Variants in FBXO11 observed in about 807,000 individuals in gnomAD.
FBXO11 encodes the protein F-box only protein 11.
Under a neutral mutation model 117.0 loss-of-function variants are expected in FBXO11, and 13 were observed. The observed-to-expected ratio is 0.11, with a 90% CI of 0.07 to 0.18. FBXO11 has a LOEUF of 0.18. Among genes scored for constraint, FBXO11 ranks in the 10% least tolerant of loss-of-function variants. FBXO11 has a pLI of 1.00. For missense variants in FBXO11, 767 were observed against 1,164.4 expected, an observed-to-expected ratio of 0.66 and a Z score of 4.97; for synonymous variants, 490 against 380.5, an observed-to-expected ratio of 1.29 and a Z score of -3.35.
intron 19 of FBXO11, 30 bp from the exon 20 acceptor site, chr2:47,809,737 C>G: frequency 6.9e-7 from 1 of 1,440,246 alleles, no homozygotes; most frequent in Non-Finnish European, 9.8e-7. Flanking sequence ...CAAGTAGATA[C>G]ATCACTTTAT....
At chr2:47,893,768 T>G (rs1677444422) in intron 1 of FBXO11, among the ~76,000 whole-genome samples, 1 of 152,144 alleles carries the variant, frequency 6.6e-6, no homozygotes, top group Admixed American at 6.5e-5. Context: ...AAAGATAAGA[T>G]TAAGAAACCA....
At chr2:47,857,985 A>C (rs1481607866) in intron 1 of FBXO11, among the ~76,000 whole-genome samples, 1 of 152,220 alleles carries the variant, frequency 6.6e-6, no homozygotes, top group Non-Finnish European at 1.5e-5. Context: ...TCTTTACCAA[A>C]GTAGATGAAA....
chr2:47,825,194 T>A (rs868160114), intron 11 of FBXO11, among the ~76,000 whole-genome samples: 77 of 152,300 alleles, frequency 5.1e-4, no homozygotes, highest in Middle Eastern at 3.4e-3. Context: ...AAGAATAACA[T>A]ACAAAAGTAG....
At chr2:47,868,418 A>G (rs192314933) in intron 1 of FBXO11, among the ~76,000 whole-genome samples, 6 of 152,120 alleles carry the variant, frequency 3.9e-5, no homozygotes. Flanking sequence ...ATTCACTGTC[A>G]TGAATGCTTG....
At position 47,807,036 on chromosome 2, in the gene FBXO11, A is replaced by AATATATTAAGTCTAGATGT. The variant is rs1670256173; in HGVS notation, c.*1063_*1081dup. 1.1e-5 allele frequency: 7 copies of AATATATTAAGTCTAGATGT among 625,786 alleles called. No homozygotes were observed. The highest frequency in any genetic ancestry group is 2.0e-5 in the Non-Finnish European group (7 of 356,270). 38.8% of individuals were successfully genotyped at this position (625,786 alleles called of 1,614,324 possible). A position where few individuals can be genotyped will look rare whatever the true frequency, so the allele number is the denominator to read the frequency against. ...ACATAATGGTTATTGAATACTCCAC[A>AATATATTAAGTCTAGATGT]ATATATTAAGTCTAGATGTTATGGT... is the stretch of plus-strand genomic sequence containing the variant. On this transcript the variant is annotated 3_prime_UTR_variant, in exon 23 of 23. Coordinates refer to ENST00000403359, the MANE Select transcript of FBXO11 (RefSeq NM_001190274.2).
chr2:47,838,803 C>T, intron 4 of FBXO11, 56 bp downstream of exon 4: 1 of 1,538,026 alleles, frequency 6.5e-7, no homozygotes, highest in South Asian at 1.2e-5. Context: ...CCATGTTTAG[C>T]ATTTTGGGCA....
At chr2:47,902,921 A>G (rs898822379) in intron 1 of FBXO11, among the ~76,000 whole-genome samples, 2 of 144,430 alleles carry the variant, frequency 1.4e-5, no homozygotes, top group Non-Finnish European at 3.0e-5. Context: ...TAAAAGGTTA[A>G]AAAAAAAAAA....
intron 1 of FBXO11, among the ~76,000 whole-genome samples, chr2:47,840,437 T>C (rs1224252020): frequency 1.3e-5 from 2 of 150,024 alleles, no homozygotes; most frequent in Admixed American, 6.7e-5. Flanking sequence ...GAGGGTAGTC[T>C]GGTGTATGAA....
rs3732190 is a variant in FBXO11, at chr2:47,810,454, G to A, written c.2228-28C>T. ...ATAATAAAATATTTCCTTAGATTAA[G>A]GCTAATGCATATAACAGACTACTAA... On this transcript the variant is annotated intron_variant, in intron 18 of 22. Coordinates refer to ENST00000403359, the MANE Select transcript of FBXO11 (RefSeq NM_001190274.2). 3,403 of 1,445,962 alleles carry A rather than the reference G, an allele frequency of 2.4e-3. 131 individuals carry two copies. The East Asian group carries it at 0.071, about 30-fold the overall frequency. 89.6% of individuals were successfully genotyped at this position (1,445,962 alleles called of 1,614,324 possible).
chr2:47,837,139 A>G (rs1672644289), intron 4 of FBXO11: 2 of 180,496 alleles, frequency 1.1e-5, no homozygotes, highest in African/African-American at 4.8e-5. Flanking sequence ...AAACTGGAGT[A>G]ATGGCTAACT....
chr2:47,864,714 G>T (rs1419893329), intron 1 of FBXO11, among the ~76,000 whole-genome samples: 1 of 152,110 alleles, frequency 6.6e-6, no homozygotes, highest in Non-Finnish European at 1.5e-5. Context: ...AGTCCACAGA[G>T]GTCAGGTAAA....
At chr2:47,890,819 A>T (rs1677203813) in intron 1 of FBXO11, among the ~76,000 whole-genome samples, 1 of 152,058 alleles carries the variant, frequency 6.6e-6, no homozygotes, top group South Asian at 2.1e-4. Flanking sequence ...AAGAAAAAAA[A>T]AAATATTATT....
rs1013303203 is a variant in FBXO11 at position 47,863,411 on chromosome 2, T to G, written c.233-23642A>C. Among the ~76,000 whole-genome samples, 1,351 of 152,338 alleles carry G rather than the reference T, an allele frequency of 8.9e-3. 6 individuals are homozygous for G. The highest frequency in any genetic ancestry group is 0.031 in the African/African-American group (1,277 of 41,572). On this transcript the variant is annotated intron_variant, in intron 1 of 22. Coordinates refer to ENST00000403359, the MANE Select transcript of FBXO11 (RefSeq NM_001190274.2). ...CTCTTAAACAGCTCGTTTACATGGC[T>G]CTGAAACAACACAGCTAAAGAAAAC...
At chr2:47,876,086 A>C (rs1415138148) in intron 1 of FBXO11, among the ~76,000 whole-genome samples, 1 of 152,224 alleles carries the variant, frequency 6.6e-6, no homozygotes, top group Non-Finnish European at 1.5e-5. Flanking sequence ...AATGTCACAC[A>C]GTTAGTAAGA....
chr2:47,846,076 C>T (rs1673383087), intron 1 of FBXO11, among the ~76,000 whole-genome samples: 2 of 152,148 alleles, frequency 1.3e-5, no homozygotes, highest in African/African-American at 4.8e-5. Flanking sequence ...ATAAAGCCAA[C>T]GATCCATGAT....
chr2:47,872,830 T>G (rs1264134108), intron 1 of FBXO11, among the ~76,000 whole-genome samples: 2 of 152,322 alleles, frequency 1.3e-5, no homozygotes, highest in East Asian at 3.9e-4. Flanking sequence ...TCTAAATTTT[T>G]GTTTTGGAAA....
intron 1 of FBXO11, among the ~76,000 whole-genome samples, chr2:47,846,466 A>T (rs1673419689): frequency 6.6e-6 from 1 of 151,898 alleles, no homozygotes; most frequent in African/African-American, 2.4e-5. Flanking sequence ...AAACTGTTTC[A>T]AAAAAAAATT....
At chr2:47,852,891 G>GTA (rs1364333174) in intron 1 of FBXO11, among the ~76,000 whole-genome samples, 1 of 152,118 alleles carries the variant, frequency 6.6e-6, no homozygotes, top group Non-Finnish European at 1.5e-5. Context: ...AGGTCACACA[G>GTA]TATTAAGCAG....
At chr2:47,890,079 T>A (rs762908716) in intron 1 of FBXO11, among the ~76,000 whole-genome samples, 2 of 152,132 alleles carry the variant, frequency 1.3e-5, no homozygotes, top group Non-Finnish European at 2.9e-5. Flanking sequence ...GTCTCCTGAG[T>A]AGCTAGGACT....
Sources: allele counts gnomAD v4.1 joint callset (sites outside exome capture counted in the v4.1 genomes callset), GRCh38; gene constraint gnomAD v4.1.1; transcripts MANE v1.5; gene names NCBI Gene and HGNC (gene_info 2026-07-23, HGNC 2026-07-21).